Variants in OSCP1 observed in about 807,000 individuals in gnomAD.
The protein encoded by OSCP1 is protein OSCP1.
A neutral mutation model predicts 45.1 loss-of-function variants in OSCP1; 35 were observed. That is an observed-to-expected ratio of 0.78 (90% CI 0.59 to 1.03). The LOEUF (loss-of-function observed/expected upper bound fraction) is 1.03. Among genes scored for constraint, OSCP1 ranks in the 50% least tolerant of loss-of-function variants. OSCP1 has a pLI of 0.00. For missense variants in OSCP1, 400 were observed against 470.7 expected (o/e 0.85, Z 1.39); for synonymous variants, 179 against 180.1 (o/e 0.99, Z 0.05).
intron 8 of OSCP1, among the ~76,000 whole-genome samples, chr1:36,419,979 T>C (rs538785594): frequency 2.0e-4 from 27 of 136,708 alleles, no homozygotes; most frequent in African/African-American, 3.1e-4. Context: ...CACCGTCTCT[T>C]TTTTTTTTTT....
intron 8 of OSCP1, among the ~76,000 whole-genome samples, chr1:36,419,483 C>T (rs1015255470): frequency 6.6e-6 from 1 of 152,172 alleles, no homozygotes; most frequent in African/African-American, 2.4e-5. Context: ...ATTCCCAGGA[C>T]TTTACATAGT....
At chr1:36,444,003 C>T in intron 1 of OSCP1, 4 of 1,613,562 alleles carry the variant, frequency 2.5e-6, no homozygotes, top group Non-Finnish European at 2.5e-6. Context: ...AGATAGCATA[C>T]CTCGTTTTCT....
At chr1:36,423,503 A>G (rs1176945116) in intron 4 of OSCP1, 37 bp from the exon 5 acceptor site, 1 of 1,501,202 alleles carries the variant, frequency 6.7e-7, no homozygotes, top group African/African-American at 1.4e-5. Flanking sequence ...TTTTCTTGGT[A>G]TATTTTCATA....
At chr1:36,446,774 T>C (rs1353035308) in intron 1 of OSCP1, among the ~76,000 whole-genome samples, 1 of 152,226 alleles carries the variant, frequency 6.6e-6, no homozygotes, top group Admixed American at 6.5e-5. Flanking sequence ...AAAAATCACT[T>C]TGTGGCCACA....
intron 2 of OSCP1, among the ~76,000 whole-genome samples, chr1:36,436,105 T>A (rs1231080147): frequency 7.6e-6 from 1 of 130,812 alleles, no homozygotes. Flanking sequence ...TCTCTCTCTA[T>A]TTTTTTTTTT....
intron 4 of OSCP1, among the ~76,000 whole-genome samples, chr1:36,428,980 G>A (rs531596283): frequency 3.9e-5 from 6 of 152,226 alleles, no homozygotes; most frequent in African/African-American, 1.4e-4. Flanking sequence ...TCACTATGTT[G>A]CCCAGGATGG....
At chr1:36,424,633 G>C (rs1435741374) in intron 4 of OSCP1, among the ~76,000 whole-genome samples, 1 of 152,190 alleles carries the variant, frequency 6.6e-6, no homozygotes, top group Non-Finnish European at 1.5e-5. Context: ...GGGGCAGGGG[G>C]ATCCAGCTGA....
chr1:36,425,915 G>T (rs1647934436), intron 4 of OSCP1, among the ~76,000 whole-genome samples: 2 of 152,142 alleles, frequency 1.3e-5, no homozygotes, highest in South Asian at 4.1e-4. Context: ...GAGAATGACT[G>T]CTGGCATGCC....
chr1:36,446,628 C>T (rs1649555952), intron 1 of OSCP1, among the ~76,000 whole-genome samples: 1 of 152,190 alleles, frequency 6.6e-6, no homozygotes, highest in Non-Finnish European at 1.5e-5. Flanking sequence ...TGTGACAACT[C>T]CACTTTAGTT....
intron 4 of OSCP1, among the ~76,000 whole-genome samples, chr1:36,429,713 T>C (rs949100323): frequency 2.6e-5 from 4 of 151,828 alleles, no homozygotes; most frequent in African/African-American, 9.7e-5. Flanking sequence ...GGTTTTACCA[T>C]GTTGCCGAGG....
intron 2 of OSCP1, among the ~76,000 whole-genome samples, chr1:36,436,263 C>G (rs558425250): frequency 7.9e-5 from 12 of 151,116 alleles, no homozygotes; most frequent in Admixed American, 4.0e-4. Flanking sequence ...ACCACCACAC[C>G]GGGCTAATTT....
chr1:36,423,863 G>C (rs75155752), intron 4 of OSCP1, among the ~76,000 whole-genome samples: 6 of 151,382 alleles, frequency 4.0e-5, no homozygotes, highest in Non-Finnish European at 8.8e-5. Context: ...GACAGAGTAA[G>C]ACTTCATCTC....
rs1649632298 is a variant in OSCP1, at chr1:36,447,693, G to A, written c.112+2565C>T. The A allele has an allele frequency of 5.0e-6, 1 of 200,494 alleles. No individual in the cohort carries two copies. The highest frequency in any genetic ancestry group is 5.4e-5 in the Admixed American group (1 of 18,542). 12.4% of individuals were successfully genotyped at this position (200,494 alleles called of 1,614,324 possible). Reference sequence around the variant, plus strand: ...ATTACCTATGTGTTACAATAGTTGGGAGGATTAAGGTGTTTAAGAGGAGCC... The same window carrying A: ...ATTACCTATGTGTTACAATAGTTGGAAGGATTAAGGTGTTTAAGAGGAGCC... On this transcript the variant is annotated intron_variant, in intron 1 of 9. Coordinates refer to ENST00000235532, the MANE Select transcript of OSCP1 (RefSeq NM_145047.5). The surrounding 1 kb of genome is among the most constrained non-coding windows in gnomAD (Gnocchi z 4.1).
At chr1:36,438,012 A>C (rs1336627087) in intron 2 of OSCP1, among the ~76,000 whole-genome samples, 2 of 152,076 alleles carry the variant, frequency 1.3e-5, no homozygotes, top group Non-Finnish European at 2.9e-5. Context: ...CCATTTCTAC[A>C]AAAATTTAAA....
At position 36,440,048 on chromosome 1, in the gene OSCP1, G is replaced by A. The variant is rs573409686; in HGVS notation, c.113-1138C>T. Reference sequence around the variant, plus strand: ...CACTTACAGAAATTCAAATTTGAAAGAAAACTGGGTTACTTAAAATAATTA... The same window carrying A: ...CACTTACAGAAATTCAAATTTGAAAAAAAACTGGGTTACTTAAAATAATTA... On this transcript the variant is annotated intron_variant, in intron 1 of 9. Coordinates refer to ENST00000235532, the MANE Select transcript of OSCP1 (RefSeq NM_145047.5). 2.6e-5 allele frequency among the ~76,000 whole-genome samples: 4 copies of A among 152,340 alleles called. No individual in the cohort carries two copies. In the East Asian group the frequency reaches 7.7e-4, roughly 29 times the overall value.
At chr1:36,443,612 A>G (rs1438616972) in intron 1 of OSCP1, among the ~76,000 whole-genome samples, 1 of 152,124 alleles carries the variant, frequency 6.6e-6, no homozygotes, top group Non-Finnish European at 1.5e-5. Flanking sequence ...TGGCTCAGGG[A>G]GGGTCACTCA....
At position 36,418,868 on chromosome 1, in the gene OSCP1, C is replaced by T. The variant is rs28635396; in HGVS notation, c.1023+123G>A. 1,764 of 736,914 alleles carry T rather than the reference C, an allele frequency of 2.4e-3. 25 individuals carry two copies. The African/African-American group carries it at 0.028, about 12-fold the overall frequency. The allele number at this position is 736,914 out of a possible 1,614,324, so 45.6% of individuals were successfully genotyped here. On this transcript the variant is annotated intron_variant, in intron 9 of 9. Transcript: ENST00000235532. Reference sequence around the variant, plus strand: ...GCTTAAACCTGGGAGGTGGAAGTTGCGGTAAGCTGAGATCAAGCCACTGCA... The same window carrying T: ...GCTTAAACCTGGGAGGTGGAAGTTGTGGTAAGCTGAGATCAAGCCACTGCA...
At chr1:36,440,598 G>A (rs891420415) in intron 1 of OSCP1, among the ~76,000 whole-genome samples, 2 of 152,096 alleles carry the variant, frequency 1.3e-5, no homozygotes, top group Non-Finnish European at 2.9e-5. Flanking sequence ...TTTCCCCACC[G>A]TGGACAGCTT....
chr1:36,421,961 G>T, intron 7 of OSCP1, 189 bp downstream of exon 7: 1 of 611,138 alleles, frequency 1.6e-6, no homozygotes, highest in East Asian at 2.8e-5. Flanking sequence ...TAATTAGTGA[G>T]ATCACTGGAA....
Sources: allele counts gnomAD v4.1 joint callset (sites outside exome capture counted in the v4.1 genomes callset), GRCh38; gene constraint gnomAD v4.1.1; non-coding constraint Gnocchi (gnomAD v3.1); transcripts MANE v1.5; gene names NCBI Gene and HGNC (gene_info 2026-07-23, HGNC 2026-07-21).